Variants in GPHN observed in about 807,000 individuals in gnomAD.
GPHN encodes gephyrin.
GPHN carries 17 observed loss-of-function variants against 95.5 expected under a neutral mutation model. That is an observed-to-expected ratio of 0.18 (90% CI 0.12 to 0.27). GPHN has a LOEUF of 0.27. GPHN is among the 10% of genes least tolerant of loss of function. The pLI is 1.00. For synonymous variants in GPHN, 320 were observed against 322.5 expected (o/e 0.99, Z 0.08); for missense variants, 660 against 978.1 (o/e 0.67, Z 4.34).
the GPHN span, chr14:67,332,659 G>T: frequency 2.1e-5 from 21 of 999,440 alleles, no homozygotes; most frequent in South Asian, 3.3e-4. Flanking sequence ...AGCTCCTGAG[G>T]TTGGGAGAGA....
At chr14:66,782,266 A>G (rs2059631198) in intron 3 of GPHN, among the ~76,000 whole-genome samples, 2 of 152,194 alleles carry the variant, frequency 1.3e-5, no homozygotes, top group African/African-American at 4.8e-5. Flanking sequence ...CTTCTGTTCC[A>G]TTAATCTATT....
At chr14:66,784,304 A>T (rs2059700673) in intron 3 of GPHN, among the ~76,000 whole-genome samples, 1 of 152,226 alleles carries the variant, frequency 6.6e-6, no homozygotes, top group Non-Finnish European at 1.5e-5. Flanking sequence ...GTCAACTACA[A>T]ATGCCATATT....
chr14:67,323,861 C>A, the GPHN span: 1 of 938,520 alleles, frequency 1.1e-6, no homozygotes, highest in Non-Finnish European at 1.6e-6. Flanking sequence ...AAACATGAAA[C>A]AGTCCTGGTC....
chr14:67,299,508 GA>G, the GPHN span, among the ~76,000 whole-genome samples: 1 of 152,030 alleles, frequency 6.6e-6, no homozygotes, highest in African/African-American at 2.4e-5. Flanking sequence ...GCCTCTGAAG[GA>G]AAACAAGGAA....
chr14:67,566,309 G>A, the GPHN span, among the ~76,000 whole-genome samples: 2,006 of 152,300 alleles, frequency 0.013, 80 homozygotes, highest in Admixed American at 0.078. Flanking sequence ...CTGGGCTGCT[G>A]GCTCTCTTCT....
the GPHN span, among the ~76,000 whole-genome samples, chr14:67,608,466 G>A: frequency 2.0e-5 from 3 of 152,284 alleles, no homozygotes; most frequent in East Asian, 1.9e-4. Context: ...GTAGATTTTG[G>A]TATCTGAGGG....
the GPHN span, among the ~76,000 whole-genome samples, chr14:67,256,618 G>A: frequency 6.6e-6 from 1 of 151,960 alleles, no homozygotes; most frequent in Non-Finnish European, 1.5e-5. Context: ...TGTGATCTTG[G>A]CTCATTGCAA....
chr14:67,721,696 G>A, the GPHN span, among the ~76,000 whole-genome samples: 2 of 150,696 alleles, frequency 1.3e-5, no homozygotes, highest in Admixed American at 6.7e-5. Flanking sequence ...TGCCAGTTTC[G>A]TTTTCCACCA....
the GPHN span, chr14:67,575,499 C>T: frequency 7.2e-7 from 1 of 1,396,276 alleles, no homozygotes; most frequent in South Asian, 1.2e-5. Flanking sequence ...TCACAATACC[C>T]ACTCTCCTGC....
intron 4 of GPHN, among the ~76,000 whole-genome samples, chr14:66,874,601 C>G (rs2063573019): frequency 6.6e-6 from 1 of 152,050 alleles, no homozygotes; most frequent in Non-Finnish European, 1.5e-5. Context: ...ACGAAAACTT[C>G]ATGAAGCATA....
At chr14:67,016,028 C>A (rs1349831192) in intron 9 of GPHN, among the ~76,000 whole-genome samples, 1 of 151,764 alleles carries the variant, frequency 6.6e-6, no homozygotes, top group Non-Finnish European at 1.5e-5. Context: ...AATTCAGTGA[C>A]CAATTTTATA....
At chr14:67,270,660 G>A in the GPHN span, 1 of 150,420 alleles carries the variant, frequency 6.6e-6, no homozygotes, top group African/African-American at 2.5e-5. Context: ...CTTTTATGAT[G>A]TATATAGACT....
At chr14:66,730,709 A>G (rs113943741) in intron 2 of GPHN, among the ~76,000 whole-genome samples, 3 of 152,242 alleles carry the variant, frequency 2.0e-5, no homozygotes, top group African/African-American at 7.2e-5. Flanking sequence ...TACAAATCAT[A>G]ATACTTATCA....
the GPHN span, chr14:67,586,546 G>A: frequency 4.8e-6 from 3 of 625,040 alleles, no homozygotes; most frequent in South Asian, 3.0e-5. Flanking sequence ...TTGTTGTGGG[G>A]AAGACCGCAA....
At chr14:66,548,051 T>C (rs2059665904) in intron 1 of GPHN, among the ~76,000 whole-genome samples, 1 of 152,194 alleles carries the variant, frequency 6.6e-6, no homozygotes, top group Non-Finnish European at 1.5e-5. Context: ...CATTTTTTTT[T>C]TAACAACGTG....
intron 5 of GPHN, among the ~76,000 whole-genome samples, chr14:66,894,839 A>G (rs1267249413): frequency 7.9e-5 from 12 of 152,226 alleles, no homozygotes; most frequent in East Asian, 1.9e-4. Flanking sequence ...AATGGCGATC[A>G]TTAAAAAGTC....
At chr14:67,609,557 G>T in the GPHN span, among the ~76,000 whole-genome samples, 5 of 152,116 alleles carry the variant, frequency 3.3e-5, no homozygotes, top group Non-Finnish European at 5.9e-5. Flanking sequence ...GTGTGTGTTG[G>T]GGGTGGGGCA....
At chr14:67,313,082 G>A in the GPHN span, among the ~76,000 whole-genome samples, 1 of 152,112 alleles carries the variant, frequency 6.6e-6, no homozygotes, top group African/African-American at 2.4e-5. Flanking sequence ...AACTTTATAA[G>A]GAGTCAGGAA....
At chr14:67,383,443 T>G in the GPHN span, 1 of 1,612,718 alleles carries the variant, frequency 6.2e-7, no homozygotes, top group Non-Finnish European at 8.5e-7. Context: ...AAGATTAACT[T>G]TGTGGGAAAC....
Sources: allele counts gnomAD v4.1 joint callset (sites outside exome capture counted in the v4.1 genomes callset), GRCh38; gene constraint gnomAD v4.1.1; transcripts MANE v1.5; gene names NCBI Gene and HGNC (gene_info 2026-07-23, HGNC 2026-07-21).